The following APOO variants were observed in gnomAD, a reference collection of about 807,000 sequenced individuals.
APOO encodes MICOS complex subunit MIC26.
APOO carries 11 observed loss-of-function variants against 23.1 expected under a neutral mutation model. The ratio of observed to expected loss-of-function variants is 0.48; its 90% CI spans 0.30 to 0.79. APOO has a LOEUF of 0.79. APOO is among the 30% of genes least tolerant of loss of function. APOO has a pLI of 0.07. For synonymous variants in APOO, 59 were observed against 54.8 expected (o/e 1.08, Z -0.34); for missense variants, 160 against 142.7 (o/e 1.12, Z -0.62).
chrX:23,887,606 CAA>C (rs769839704), intron 1 of APOO, among the ~76,000 whole-genome samples: 3 of 111,216 alleles, frequency 2.7e-5, no homozygotes, highest in Non-Finnish European at 5.7e-5. Flanking sequence ...CTCCCTTTCC[CAA>C]GTGATAGTCC....
intron 1 of APOO, among the ~76,000 whole-genome samples, chrX:23,897,076 A>T (rs1470104994): frequency 8.9e-6 from 1 of 112,040 alleles, no homozygotes; most frequent in Non-Finnish European, 1.9e-5. Context: ...CATCCACTGT[A>T]AACAGACTAC....
intron 2 of APOO, among the ~76,000 whole-genome samples, 171 bp from the exon 3 acceptor site, chrX:23,879,205 G>T (rs776655944): frequency 8.9e-6 from 1 of 112,018 alleles, no homozygotes; most frequent in Non-Finnish European, 1.9e-5. Context: ...AGAAGCCAGG[G>T]CAGGCGGATC....
intron 6 of APOO, among the ~76,000 whole-genome samples, chrX:23,858,279 C>T (rs1924864039): frequency 1.8e-5 from 2 of 111,323 alleles, no homozygotes; most frequent in Non-Finnish European, 3.8e-5. Context: ...ACAATACCAA[C>T]GAGAGCAGGT....
chrX:23,898,210 C>T (rs1161834495), intron 1 of APOO, among the ~76,000 whole-genome samples: 1 of 108,531 alleles, frequency 9.2e-6, no homozygotes, highest in Non-Finnish European at 1.9e-5. Context: ...GTGATCCTCC[C>T]ATCTCAGCCT....
intron 7 of APOO, among the ~76,000 whole-genome samples, chrX:23,852,707 A>C (rs1924601623): frequency 9.0e-6 from 1 of 111,184 alleles, no homozygotes; most frequent in African/African-American, 3.3e-5. Flanking sequence ...CTAAGAAACA[A>C]AAAAGTCCCC....
chrX:23,841,472 T>C lies in APOO; in HGVS notation c.562-1095A>G, dbSNP rs768564062. Among the ~76,000 whole-genome samples the C allele has an allele frequency of 7.1e-4, 34 of 47,793 alleles. No individual in the cohort carries two copies. The South Asian group carries it at 0.028, about 39-fold the overall frequency. 41.5% of individuals were successfully genotyped at this position (47,793 alleles called of 115,157 possible). A position where few individuals can be genotyped will look rare whatever the true frequency, so the allele number is the denominator to read the frequency against. ...GAATTCAAGACCAGCTTGGGCAACA[T>C]AGAAAAAGAAGTTTAAAAAAAAAAA... On this transcript the variant is annotated intron_variant, in intron 7 of 8. Coordinates refer to ENST00000379226, the MANE Select transcript of APOO (RefSeq NM_024122.5).
At chrX:23,851,627 A>G (rs1362249445) in intron 7 of APOO, among the ~76,000 whole-genome samples, 1 of 112,770 alleles carries the variant, frequency 8.9e-6, no homozygotes, top group Non-Finnish European at 1.9e-5. Flanking sequence ...AGATGACAAT[A>G]TTTCTGGACA....
intron 3 of APOO, among the ~76,000 whole-genome samples, chrX:23,875,468 G>A (rs1186565582): frequency 9.8e-6 from 1 of 102,241 alleles, no homozygotes; most frequent in Non-Finnish European, 2.0e-5. Flanking sequence ...GCCCAGGCTG[G>A]AGTGCAGTGG....
At chrX:23,901,400 A>C in intron 1 of APOO, among the ~76,000 whole-genome samples, 1 of 111,365 alleles carries the variant, frequency 9.0e-6, no homozygotes, top group Non-Finnish European at 1.9e-5. Flanking sequence ...TCCCCCTTCC[A>C]ATGCCCAGAT....
At chrX:23,847,353 G>A (rs956905705) in intron 7 of APOO, among the ~76,000 whole-genome samples, 1 of 111,337 alleles carries the variant, frequency 9.0e-6, no homozygotes, top group African/African-American at 3.3e-5. Flanking sequence ...TTGGCCAGGC[G>A]CAGCGGCTCA....
chrX:23,902,495 T>C (rs923583676), intron 1 of APOO, among the ~76,000 whole-genome samples: 7 of 111,342 alleles, frequency 6.3e-5, no homozygotes, highest in African/African-American at 2.3e-4. Context: ...TAGGATAAAA[T>C]CTGTGTAATG....
intron 5 of APOO, among the ~76,000 whole-genome samples, chrX:23,865,304 G>A (rs770794564): frequency 1.8e-5 from 2 of 110,957 alleles, no homozygotes; most frequent in Admixed American, 9.7e-5. Context: ...TAGCAGATAC[G>A]CTCAAGAAAC....
chrX:23,887,229 C>CTTTTTTTTTTTTT (rs765596270), intron 1 of APOO, among the ~76,000 whole-genome samples: 4 of 54,212 alleles, frequency 7.4e-5, no homozygotes, highest in Admixed American at 3.3e-4. Context: ...TTCTTTTTCC[C>CTTTTTTTTTTTTT]TTTTTTTTTT....
At chrX:23,842,898 C>T (rs1214002444) in intron 7 of APOO, among the ~76,000 whole-genome samples, 1 of 111,702 alleles carries the variant, frequency 9.0e-6, no homozygotes, top group Non-Finnish European at 1.9e-5. Flanking sequence ...ATCCCAGCTG[C>T]TCGGGAGGCT....
chrX:23,894,911 G>A (rs1450462538), intron 1 of APOO, among the ~76,000 whole-genome samples: 3 of 111,214 alleles, frequency 2.7e-5, no homozygotes, highest in Non-Finnish European at 5.7e-5. Flanking sequence ...TTGGGAGGCC[G>A]AGGCGGGCAG....
intron 7 of APOO, among the ~76,000 whole-genome samples, chrX:23,841,776 C>T (rs936382660): frequency 8.1e-5 from 9 of 110,587 alleles, no homozygotes; most frequent in Admixed American, 3.9e-4. Context: ...CACCTACAAC[C>T]CAGAGGCCTT....
chrX:23,878,807 C>G, intron 3 of APOO, 108 bp downstream of exon 3: 1 of 1,029,390 alleles, frequency 9.7e-7, no homozygotes, highest in Non-Finnish European at 1.3e-6. Context: ...TGTCAACCAT[C>G]TCAGGGCCCT....
chrX:23,904,757 C>T (rs766369348), intron 1 of APOO, among the ~76,000 whole-genome samples: 1 of 110,823 alleles, frequency 9.0e-6, no homozygotes, highest in East Asian at 2.9e-4. Context: ...CCGCCCGCCT[C>T]GGCCTCCCGA....
At chrX:23,872,237 T>C (rs890762315) in intron 4 of APOO, among the ~76,000 whole-genome samples, 5 of 110,799 alleles carry the variant, frequency 4.5e-5, no homozygotes, top group Non-Finnish European at 9.4e-5. Context: ...AGACCCTGCC[T>C]CTACAAAAAG....
Sources: gnomAD v4.1 joint callset for allele counts (sites outside exome capture counted in the v4.1 genomes callset) on GRCh38, gnomAD v4.1.1 for gene constraint, MANE v1.5 for transcripts, NCBI Gene and HGNC (gene_info 2026-07-23, HGNC 2026-07-21) for gene names.